The following CHRM3 variants were observed in gnomAD, a reference collection of about 807,000 sequenced individuals.
CHRM3 encodes the protein cholinergic receptor muscarinic 3.
In CHRM3, 11 loss-of-function variants were observed where a neutral mutation model predicts 41.8. The observed-to-expected ratio is 0.26, with a 90% CI of 0.17 to 0.44. CHRM3 has a LOEUF of 0.44. Ranked by LOEUF, CHRM3 falls within the 20% of genes least tolerant of loss-of-function variation. The pLI, the probability that CHRM3 is intolerant of heterozygous loss-of-function variation, is 1.00. For missense variants in CHRM3, 571 were observed against 745.4 expected, an observed-to-expected ratio of 0.77 and a Z score of 2.72; for synonymous variants, 297 against 301.4, an observed-to-expected ratio of 0.99 and a Z score of 0.15.
intron 3 of CHRM3, among the ~76,000 whole-genome samples, chr1:239,586,334 T>G (rs1448666316): frequency 6.6e-6 from 1 of 152,208 alleles, no homozygotes; most frequent in Non-Finnish European, 1.5e-5. Context: ...AATACATAAC[T>G]GTGGCCTGTA....
chr1:239,491,884 G>T lies in CHRM3; in HGVS notation c.-520-825G>T, dbSNP rs143121206. 2.0e-5 allele frequency among the ~76,000 whole-genome samples: 3 copies of T among 152,262 alleles called. No homozygotes were observed. The East Asian group carries it at 5.8e-4, about 29-fold the overall frequency. On this transcript the variant is annotated intron_variant, in intron 1 of 6. Coordinates refer to ENST00000676153, the MANE Select transcript of CHRM3 (RefSeq NM_001375978.1). ...TTCTGGGTTGTTTTGAAAGCCACGT[G>T]CAGGGGAGCTCAGAGTAGTTGTTGT...
intron 6 of CHRM3, among the ~76,000 whole-genome samples, chr1:239,882,105 G>T (rs1406762097): frequency 6.6e-6 from 1 of 151,850 alleles, no homozygotes; most frequent in Admixed American, 6.6e-5. Flanking sequence ...ATGGGGTTTC[G>T]CCTTGTTGGC....
intron 5 of CHRM3, among the ~76,000 whole-genome samples, chr1:239,757,623 C>G (rs1467065579): frequency 6.8e-6 from 1 of 146,980 alleles, no homozygotes; most frequent in East Asian, 2.2e-4. Context: ...GAGTGAGACT[C>G]CGTCTCAGAA....
At chr1:239,436,972 A>G (rs1663321719) in intron 1 of CHRM3, among the ~76,000 whole-genome samples, 1 of 152,158 alleles carries the variant, frequency 6.6e-6, no homozygotes, top group South Asian at 2.1e-4. Flanking sequence ...CCAGGCCAAC[A>G]CATGAATGGC....
At chr1:239,701,207 A>G (rs538067672) in intron 5 of CHRM3, among the ~76,000 whole-genome samples, 162 of 152,302 alleles carry the variant, frequency 1.1e-3, no homozygotes, top group African/African-American at 3.8e-3. Context: ...ACCACTGACC[A>G]TCATCTTCCT....
intron 6 of CHRM3, among the ~76,000 whole-genome samples, chr1:239,855,939 A>G (rs1269441797): frequency 1.3e-5 from 2 of 152,174 alleles, no homozygotes; most frequent in South Asian, 2.1e-4. Context: ...CAATGTAACA[A>G]ATTTTTATGT....
intron 5 of CHRM3, among the ~76,000 whole-genome samples, chr1:239,702,104 G>A (rs948948098): frequency 5.9e-5 from 9 of 152,122 alleles, no homozygotes; most frequent in East Asian, 1.9e-4. Context: ...GGTAGAAACC[G>A]TTTTTCCTCA....
At chr1:239,684,573 C>T (rs1658889965) in intron 5 of CHRM3, among the ~76,000 whole-genome samples, 2 of 150,916 alleles carry the variant, frequency 1.3e-5, no homozygotes, top group Admixed American at 6.6e-5. Flanking sequence ...GGCGCTAGAA[C>T]CTGAGAAGCA....
At chr1:239,889,316 G>GC (rs923818748) in intron 6 of CHRM3, among the ~76,000 whole-genome samples, 12 of 151,742 alleles carry the variant, frequency 7.9e-5, no homozygotes, top group Non-Finnish European at 1.2e-4. Flanking sequence ...ATTTCTGGTA[G>GC]CCCCCCCTCT....
intron 4 of CHRM3, among the ~76,000 whole-genome samples, chr1:239,648,411 A>C (rs1426912898): frequency 6.6e-6 from 1 of 152,158 alleles, no homozygotes; most frequent in East Asian, 1.9e-4. Context: ...CCTTCATGGT[A>C]GAGGATGCAC....
intron 5 of CHRM3, among the ~76,000 whole-genome samples, chr1:239,749,778 G>A (rs903851413): frequency 1.4e-4 from 21 of 152,242 alleles, no homozygotes; most frequent in African/African-American, 3.6e-4. Flanking sequence ...CAGAATTTTC[G>A]TATTTGTTAA....
intron 1 of CHRM3, among the ~76,000 whole-genome samples, chr1:239,435,904 G>A (rs1290405268): frequency 6.6e-6 from 1 of 152,092 alleles, no homozygotes; most frequent in Non-Finnish European, 1.5e-5. Flanking sequence ...CTGCTCCCCC[G>A]ATGGTACTGG....
At chr1:239,598,830 A>G (rs1313165487) in intron 3 of CHRM3, among the ~76,000 whole-genome samples, 1 of 151,998 alleles carries the variant, frequency 6.6e-6, no homozygotes, top group Non-Finnish European at 1.5e-5. Flanking sequence ...AATAAGTGGG[A>G]GTGTAGACTG....
At chr1:239,618,148 G>C (rs1356194938) in intron 3 of CHRM3, among the ~76,000 whole-genome samples, 1 of 151,668 alleles carries the variant, frequency 6.6e-6, no homozygotes, top group African/African-American at 2.4e-5. Flanking sequence ...ATTTTCCCTG[G>C]TCTTAATGTG....
rs199655840 is a variant in CHRM3 at position 239,907,620 on chromosome 1, G to A, written c.169G>A (p.Asp57Asn). Residue 57 changes from aspartate (D) to asparagine (N), a missense_variant, in exon 7 of 7, where the codon GAT becomes AAT. By Grantham distance (23) the Asp-to-Asn change is conservative. This residue lies in a region of CHRM3 where 92 missense variants were observed against 76.1 expected (regional missense o/e 1.21). Transcript: ENST00000676153. The surrounding 1 kb of genome is among the most constrained non-coding windows in gnomAD (Gnocchi z 5.4). Reference protein sequence around the residue: ...GNFSSPDGTTDDPLGGHTVWQ... With the variant: ...GNFSSPDGTTNDPLGGHTVWQ... The stretch of plus-strand genomic sequence containing the variant: ...TTTCTCCTCTCCAGACGGTACCACC[G>A]ATGACCCTCTGGGAGGTCATACCGT... 1.5e-5 allele frequency: 25 copies of A among 1,614,020 alleles called. No individual in the cohort carries two copies. Among genetic ancestry groups the A allele is most frequent in the Non-Finnish European group, 1.9e-5 (23 of 1,180,028 alleles).
chr1:239,768,029 T>G (rs1197901435), intron 5 of CHRM3, among the ~76,000 whole-genome samples: 1 of 151,986 alleles, frequency 6.6e-6, no homozygotes, highest in Admixed American at 6.6e-5. Flanking sequence ...AATTCCAGAG[T>G]ATGTCAATAG....
intron 5 of CHRM3, among the ~76,000 whole-genome samples, chr1:239,699,552 A>T (rs1214937947): frequency 6.6e-6 from 1 of 152,162 alleles, no homozygotes; most frequent in African/African-American, 2.4e-5. Context: ...GCCATGAGAG[A>T]TAAATTTCTC....
At chr1:239,847,682 T>C (rs1045650777) in intron 6 of CHRM3, among the ~76,000 whole-genome samples, 2 of 151,882 alleles carry the variant, frequency 1.3e-5, no homozygotes, top group African/African-American at 4.8e-5. Flanking sequence ...CTGGGCAACA[T>C]AGTGAGACCT....
chr1:239,707,656 A>G (rs1370631818), intron 5 of CHRM3: 1 of 152,180 alleles, frequency 6.6e-6, no homozygotes, highest in African/African-American at 2.4e-5. Context: ...ATGTAAATAA[A>G]ACATCCTTCT....
Sources: allele counts gnomAD v4.1 joint callset (sites outside exome capture counted in the v4.1 genomes callset), GRCh38; gene constraint gnomAD v4.1.1; regional missense constraint gnomAD v4.1.1; non-coding constraint Gnocchi (gnomAD v3.1); transcripts MANE v1.5; gene names NCBI Gene and HGNC (gene_info 2026-07-23, HGNC 2026-07-21).